The following ST18 variants were observed in gnomAD, a reference collection of about 807,000 sequenced individuals.
ST18 encodes the protein suppression of tumorigenicity 18 protein.
A neutral mutation model predicts 110.0 loss-of-function variants in ST18; 50 were observed. That is an observed-to-expected ratio of 0.45 (90% CI 0.36 to 0.58). ST18 has a LOEUF of 0.58. ST18 is among the 20% of genes least tolerant of loss of function. The pLI is 0.00. For synonymous variants in ST18, 461 were observed against 452.4 expected, an observed-to-expected ratio of 1.02 and a Z score of -0.24; for missense variants, 1,306 against 1,280.1, an observed-to-expected ratio of 1.02 and a Z score of -0.31.
intron 9 of ST18, among the ~76,000 whole-genome samples, chr8:52,177,770 C>T (rs1329960553): frequency 6.6e-6 from 1 of 152,184 alleles, no homozygotes; most frequent in East Asian, 1.9e-4. Flanking sequence ...TAATTATCTT[C>T]CTTCTAACAC....
chr8:52,346,396 G>A (rs1364154069), intron 2 of ST18, among the ~76,000 whole-genome samples: 1 of 151,992 alleles, frequency 6.6e-6, no homozygotes, highest in Non-Finnish European at 1.5e-5. Flanking sequence ...AATATACAAT[G>A]AAAAAATCCC....
intron 2 of ST18, among the ~76,000 whole-genome samples, chr8:52,297,774 G>A (rs1160785476): frequency 1.3e-5 from 2 of 152,050 alleles, no homozygotes; most frequent in Non-Finnish European, 2.9e-5. Flanking sequence ...AATGGGAAAC[G>A]ACAAGTCACA....
At chr8:52,290,518 T>C (rs2095539614) in intron 2 of ST18, among the ~76,000 whole-genome samples, 1 of 152,104 alleles carries the variant, frequency 6.6e-6, no homozygotes, top group Non-Finnish European at 1.5e-5. Flanking sequence ...CTTGCCCTAT[T>C]TGATATTAGA....
At chr8:52,256,809 A>G (rs545886340) in intron 2 of ST18, among the ~76,000 whole-genome samples, 68 of 152,226 alleles carry the variant, frequency 4.5e-4, no homozygotes, top group Non-Finnish European at 7.9e-4. Context: ...GACATACCAT[A>G]CTATTCACCT....
At chr8:52,140,261 G>T (rs2054410891) in intron 17 of ST18, among the ~76,000 whole-genome samples, 1 of 152,226 alleles carries the variant, frequency 6.6e-6, no homozygotes, top group South Asian at 2.1e-4. Context: ...TGGGCGTGGT[G>T]GCTCACGCCT....
chr8:52,211,483 T>G (rs1032466724), intron 8 of ST18, among the ~76,000 whole-genome samples: 11 of 151,632 alleles, frequency 7.3e-5, no homozygotes, highest in Non-Finnish European at 1.5e-4. Context: ...CTCAGCTCAC[T>G]GCAACCTCCG....
intron 2 of ST18, among the ~76,000 whole-genome samples, chr8:52,356,022 G>A (rs1822589025): frequency 1.3e-5 from 2 of 152,180 alleles, no homozygotes; most frequent in South Asian, 2.1e-4. Flanking sequence ...GAAGAAAAAG[G>A]TTGGAAAAGG....
At chr8:52,134,807 T>A (rs1047422600) in intron 19 of ST18, among the ~76,000 whole-genome samples, 2 of 152,220 alleles carry the variant, frequency 1.3e-5, no homozygotes, top group Admixed American at 6.5e-5. Context: ...ATTGGAAATA[T>A]CTGTGCTGAG....
chr8:52,391,314 G>T (rs1207620615), intron 2 of ST18, among the ~76,000 whole-genome samples: 1 of 152,160 alleles, frequency 6.6e-6, no homozygotes, highest in Admixed American at 6.5e-5. Context: ...GTGTTGAAGG[G>T]CTGTGAACCC....
At chr8:52,171,572 T>C (rs1328670909) in intron 10 of ST18, 1 of 658,386 alleles carries the variant, frequency 1.5e-6, no homozygotes, top group Admixed American at 2.1e-5. Flanking sequence ...AATGAACCTT[T>C]TTTCATGTGT....
At chr8:52,300,545 G>A (rs2095703502) in intron 2 of ST18, among the ~76,000 whole-genome samples, 1 of 152,076 alleles carries the variant, frequency 6.6e-6, no homozygotes, top group Non-Finnish European at 1.5e-5. Context: ...ACAGAATTAT[G>A]GGCCCAATCC....
intron 10 of ST18, among the ~76,000 whole-genome samples, chr8:52,170,037 TAA>T (rs2064276453): frequency 6.6e-6 from 1 of 152,236 alleles, no homozygotes; most frequent in Non-Finnish European, 1.5e-5. Context: ...CTCAAATAAT[TAA>T]GTTTCTGTAA....
At chr8:52,329,561 C>T (rs1430388467) in intron 2 of ST18, among the ~76,000 whole-genome samples, 1 of 152,176 alleles carries the variant, frequency 6.6e-6, no homozygotes, top group Non-Finnish European at 1.5e-5. Context: ...TCAAGACCAA[C>T]ATGGCCAACA....
intron 2 of ST18, among the ~76,000 whole-genome samples, chr8:52,269,270 G>A (rs2094989908): frequency 1.3e-5 from 2 of 152,198 alleles, no homozygotes; most frequent in African/African-American, 2.4e-5. Context: ...AGATAAATGG[G>A]TGAATGCATT....
intron 2 of ST18, among the ~76,000 whole-genome samples, chr8:52,387,404 GT>G (rs1837255846): frequency 6.6e-6 from 1 of 152,082 alleles, no homozygotes; most frequent in Non-Finnish European, 1.5e-5. Flanking sequence ...CCACTAGAGT[GT>G]CCCCCTAGGT....
intron 3 of ST18, among the ~76,000 whole-genome samples, chr8:52,229,539 G>A (rs1208700684): frequency 6.6e-6 from 1 of 152,142 alleles, no homozygotes; most frequent in East Asian, 1.9e-4. Context: ...GGCGGGTAAT[G>A]TTGAGTCCTG....
intron 9 of ST18, among the ~76,000 whole-genome samples, chr8:52,175,277 T>C (rs1372012920): frequency 6.6e-6 from 1 of 152,212 alleles, no homozygotes; most frequent in Non-Finnish European, 1.5e-5. Flanking sequence ...GCAGGGATTC[T>C]ATGCAACCTT....
At chr8:52,391,460 C>T (rs948881298) in intron 2 of ST18, among the ~76,000 whole-genome samples, 3 of 152,144 alleles carry the variant, frequency 2.0e-5, no homozygotes, top group Admixed American at 2.0e-4. Flanking sequence ...GAATTTCAGT[C>T]GCGCGTCTCA....
intron 8 of ST18, among the ~76,000 whole-genome samples, chr8:52,208,228 A>G (rs1183446153): frequency 2.6e-5 from 4 of 152,352 alleles, no homozygotes; most frequent in East Asian, 3.9e-4. Context: ...TCTAGAAGCA[A>G]TAACACGTCC....
Sources: gnomAD v4.1 joint callset for allele counts (sites outside exome capture counted in the v4.1 genomes callset) on GRCh38, gnomAD v4.1.1 for gene constraint, MANE v1.5 for transcripts, NCBI Gene and HGNC (gene_info 2026-07-23, HGNC 2026-07-21) for gene names.